Variants in TENM2 observed in about 807,000 individuals in gnomAD.
TENM2 encodes teneurin transmembrane protein 2.
Under a neutral mutation model 245.2 loss-of-function variants are expected in TENM2, and 52 were observed. That is an observed-to-expected ratio of 0.21 (90% CI 0.17 to 0.27). TENM2 has a LOEUF of 0.27. Among genes scored for constraint, TENM2 ranks in the 10% least tolerant of loss-of-function variants. TENM2 has a pLI of 1.00. For missense variants in TENM2, 3,046 were observed against 3,666.8 expected (o/e 0.83, Z 4.37); for synonymous variants, 1,363 against 1,438.9 (o/e 0.95, Z 1.19).
intron 19 of TENM2, 95 bp from the exon 22 acceptor site, chr5:168,211,632 TGGGCCCC>T: frequency 1.4e-6 from 1 of 714,286 alleles, no homozygotes; most frequent in Non-Finnish European, 2.3e-6. Context: ...CTGCCTTTTT[TGGGCCCC>T]TTTATACAAG....
intron 5 of TENM2, among the ~76,000 whole-genome samples, chr5:168,024,976 T>G (rs1033973725): frequency 6.6e-6 from 1 of 152,236 alleles, no homozygotes; most frequent in Admixed American, 6.5e-5. Flanking sequence ...GTTATCTCTG[T>G]GCTAAACTCC....
chr5:167,336,840 G>C (rs543255368), intron 1 of TENM2, among the ~76,000 whole-genome samples: 2 of 151,430 alleles, frequency 1.3e-5, no homozygotes, highest in African/African-American at 2.4e-5. Context: ...AAAATCGGCC[G>C]GGTGCGGTGG....
At chr5:167,886,187 G>A (rs1774274650) in intron 3 of TENM2, among the ~76,000 whole-genome samples, 1 of 152,194 alleles carries the variant, frequency 6.6e-6, no homozygotes, top group Non-Finnish European at 1.5e-5. Flanking sequence ...GTGGCACAGT[G>A]AGGTTAAGTA....
chr5:168,140,964 A>G (rs1452559895), intron 12 of TENM2, among the ~76,000 whole-genome samples: 1 of 152,106 alleles, frequency 6.6e-6, no homozygotes, highest in East Asian at 1.9e-4. Flanking sequence ...CACCCGAGAA[A>G]GTTGGACTGA....
chr5:167,199,152 T>C, the TENM2 span, among the ~76,000 whole-genome samples: 6 of 149,760 alleles, frequency 4.0e-5, no homozygotes, highest in Non-Finnish European at 8.9e-5. Context: ...TATCCCCCTC[T>C]GCCTATAAAC....
chr5:167,040,724 A>G, the TENM2 span, among the ~76,000 whole-genome samples: 1 of 152,318 alleles, frequency 6.6e-6, no homozygotes, highest in South Asian at 2.1e-4. Context: ...AATTCTAAAC[A>G]TATATATAAT....
intron 2 of TENM2, among the ~76,000 whole-genome samples, chr5:167,521,974 A>C (rs1201453969): frequency 1.3e-5 from 2 of 152,122 alleles, no homozygotes; most frequent in African/African-American, 4.8e-5. Flanking sequence ...ATTAATCCTC[A>C]ATTTATAAAG....
chr5:167,088,737 A>G, the TENM2 span, among the ~76,000 whole-genome samples: 1 of 152,352 alleles, frequency 6.6e-6, no homozygotes, highest in East Asian at 1.9e-4. Context: ...GATACTAACT[A>G]CTGCCGTTTA....
At chr5:167,665,203 A>C (rs1425062297) in intron 2 of TENM2, among the ~76,000 whole-genome samples, 1 of 152,194 alleles carries the variant, frequency 6.6e-6, no homozygotes, top group African/African-American at 2.4e-5. Context: ...TAGGATTATC[A>C]TAAGGTTACT....
At chr5:167,161,531 G>T in the TENM2 span, among the ~76,000 whole-genome samples, 1 of 152,042 alleles carries the variant, frequency 6.6e-6, no homozygotes, top group Non-Finnish European at 1.5e-5. Context: ...GATATGAGAA[G>T]CATATATTTT....
At chr5:168,029,832 T>G (rs2151946881) in intron 5 of TENM2, among the ~76,000 whole-genome samples, 1 of 152,326 alleles carries the variant, frequency 6.6e-6, no homozygotes, top group Admixed American at 6.5e-5. Context: ...TGATAGAATG[T>G]GTGATGTTGT....
chr5:167,761,842 A>G (rs1473330871), intron 2 of TENM2, among the ~76,000 whole-genome samples: 3 of 152,138 alleles, frequency 2.0e-5, no homozygotes, highest in African/African-American at 7.2e-5. Context: ...ACATTCAGCA[A>G]TTATCATGTA....
At chr5:167,343,742 T>C (rs538453259) in intron 1 of TENM2, among the ~76,000 whole-genome samples, 1 of 152,338 alleles carries the variant, frequency 6.6e-6, no homozygotes, top group Non-Finnish European at 1.5e-5. Context: ...AAGATCATTA[T>C]ACATTAAATT....
the TENM2 span, among the ~76,000 whole-genome samples, chr5:167,067,584 A>G: frequency 6.6e-6 from 1 of 152,170 alleles, no homozygotes; most frequent in Admixed American, 6.5e-5. Flanking sequence ...GTGGTTTTGG[A>G]GGGAATAAAA....
rs148099297 is a variant in TENM2 at position 167,615,706 on chromosome 5, C to T, written c.502+240233C>T. On this transcript the variant is annotated intron_variant, in intron 2 of 28. Transcript: ENST00000518659. ...ATATCTTAGTTATAATTAAGAGAGA[C>T]AACCAACAGCCCATTTTGCTCCAGA... Among the ~76,000 whole-genome samples the T allele has an allele frequency of 6.5e-3, 995 of 151,914 alleles. 14 individuals carry two copies. Among genetic ancestry groups the T allele is most frequent in the African/African-American group, 0.023 (947 of 41,426 alleles).
chr5:167,087,939 G>A, the TENM2 span, among the ~76,000 whole-genome samples: 2 of 151,988 alleles, frequency 1.3e-5, no homozygotes, highest in Admixed American at 6.6e-5. Flanking sequence ...ACAGGCGTGC[G>A]CTACCATGCC....
chr5:167,327,010 C>G (rs964228796), intron 1 of TENM2, among the ~76,000 whole-genome samples: 1 of 151,998 alleles, frequency 6.6e-6, no homozygotes, highest in East Asian at 1.9e-4. Context: ...TAACATTAAA[C>G]ATTTATTCTT....
chr5:166,997,624 G>A, the TENM2 span, among the ~76,000 whole-genome samples: 1 of 152,148 alleles, frequency 6.6e-6, no homozygotes, highest in African/African-American at 2.4e-5. Flanking sequence ...AAAGAAGAAA[G>A]TTAGATCAGG....
the TENM2 span, among the ~76,000 whole-genome samples, chr5:167,075,293 C>T: frequency 2.6e-5 from 4 of 152,222 alleles, no homozygotes; most frequent in South Asian, 4.1e-4. Context: ...TAGAGGGTTT[C>T]CCCGTTATAC....
Sources: gnomAD v4.1 joint callset for allele counts (sites outside exome capture counted in the v4.1 genomes callset) on GRCh38, gnomAD v4.1.1 for gene constraint, MANE v1.5 for transcripts, NCBI Gene and HGNC (gene_info 2026-07-23, HGNC 2026-07-21) for gene names.